CATSPERE: variants seen among roughly 807,000 people sequenced by gnomAD.
CATSPERE encodes catsper channel auxiliary subunit epsilon, also known as cation channel sperm-associated auxiliary subunit epsilon.
In CATSPERE, 93 loss-of-function variants were observed where a neutral mutation model predicts 114.1. The observed-to-expected ratio is 0.81, with a 90% CI of 0.69 to 0.97. CATSPERE has a LOEUF of 0.97. CATSPERE is among the 50% of genes least tolerant of loss of function. CATSPERE has a pLI of 0.00. For synonymous variants in CATSPERE, 341 were observed against 384.1 expected (o/e 0.89, Z 1.31); for missense variants, 1,058 against 1,131.6 (o/e 0.93, Z 0.93).
intron 21 of CATSPERE, among the ~76,000 whole-genome samples, chr1:244,639,461 C>T (rs745314225): frequency 3.3e-5 from 5 of 152,100 alleles, no homozygotes; most frequent in Non-Finnish European, 2.9e-5. Context: ...AGGCCAAGGC[C>T]GGCAAATCAC....
rs1664829201 is a variant in CATSPERE at position 244,573,754 on chromosome 1, C to T, written c.1950+982C>T. On this transcript the variant is annotated intron_variant, in intron 11 of 21. Coordinates refer to ENST00000366534, the MANE Select transcript of CATSPERE (RefSeq NM_001130957.2). This position sits in a 1 kb window ranked among gnomAD's most constrained non-coding sequence, Gnocchi z 4.0. ...CTAACTCATAGGATGGTGACATAAA[C>T]TCTACCTCTTATGGAGAAATAGCAA... Among the ~76,000 whole-genome samples, 1 of 152,210 alleles carries T rather than the reference C, an allele frequency of 6.6e-6. No individual in the cohort carries two copies. Among genetic ancestry groups the T allele is most frequent in the Non-Finnish European group, 1.5e-5 (1 of 68,038 alleles).
intron 8 of CATSPERE, among the ~76,000 whole-genome samples, chr1:244,530,239 T>C (rs57452823): frequency 0.13 from 19,503 of 152,114 alleles, 2,151 homozygotes; most frequent in African/African-American, 0.3. Flanking sequence ...TGTGAACCAC[T>C]GCGCCCAGCC....
intron 1 of CATSPERE, among the ~76,000 whole-genome samples, chr1:244,463,325 C>T (rs535348938): frequency 2.9e-4 from 44 of 151,992 alleles, no homozygotes; most frequent in African/African-American, 1.1e-3. Context: ...ATCAGATAGA[C>T]GGGAATTAAG....
chr1:244,476,509 T>G (rs757697209), intron 2 of CATSPERE, among the ~76,000 whole-genome samples: 13 of 152,322 alleles, frequency 8.5e-5, no homozygotes, highest in Middle Eastern at 6.8e-3. Flanking sequence ...ATGTTGTATC[T>G]TCTCATGAAT....
At chr1:244,474,082 AT>A (rs1668891625) in intron 2 of CATSPERE, among the ~76,000 whole-genome samples, 1 of 151,298 alleles carries the variant, frequency 6.6e-6, no homozygotes, top group Non-Finnish European at 1.5e-5. Context: ...CCCAGACTGG[AT>A]TGCAATGGCG....
intron 1 of CATSPERE, among the ~76,000 whole-genome samples, chr1:244,463,450 G>A (rs749373527): frequency 3.9e-5 from 6 of 151,988 alleles, no homozygotes; most frequent in African/African-American, 1.5e-4. Context: ...TGAGGCGAGA[G>A]GATCACTTGA....
Position 244,640,131 on chromosome 1 carries a change from G to T in CATSPERE, c.*50G>T. ...AGATATATGCATATAGAGAAACAGT[G>T]TATTACATAGTGATATTGAGAGTGT... On this transcript the variant is annotated 3_prime_UTR_variant, in exon 22 of 22. Transcript: ENST00000366534. 7.2e-7 allele frequency: 1 copy of T among 1,379,492 alleles called. No individual in the cohort carries two copies. The highest frequency in any genetic ancestry group is 1.0e-6 in the Non-Finnish European group (1 of 1,002,142). 85.5% of individuals were successfully genotyped at this position (1,379,492 alleles called of 1,614,324 possible). A position where few individuals can be genotyped will look rare whatever the true frequency, so the allele number is the denominator to read the frequency against.
chr1:244,585,266 G>A (rs568774598), intron 13 of CATSPERE, among the ~76,000 whole-genome samples: 1 of 152,134 alleles, frequency 6.6e-6, no homozygotes, highest in Non-Finnish European at 1.5e-5. Flanking sequence ...TATTAAATGA[G>A]ATTATTCATG....
chr1:244,551,309 A>G (rs1351132778), intron 8 of CATSPERE, among the ~76,000 whole-genome samples: 1 of 152,232 alleles, frequency 6.6e-6, no homozygotes, highest in Non-Finnish European at 1.5e-5. Context: ...GGGAAACCCC[A>G]GGAAACAAGT....
chr1:244,516,190 C>CAAATAA (rs1203077585), intron 7 of CATSPERE, among the ~76,000 whole-genome samples: 1 of 139,390 alleles, frequency 7.2e-6, no homozygotes, highest in African/African-American at 3.2e-5. Flanking sequence ...GACCTTGTCT[C>CAAATAA]AAATAATAAT....
At chr1:244,473,316 T>C (rs554570762) in intron 2 of CATSPERE, among the ~76,000 whole-genome samples, 2 of 152,288 alleles carry the variant, frequency 1.3e-5, no homozygotes, top group Non-Finnish European at 2.9e-5. Flanking sequence ...AGGTGTGTTG[T>C]GGTATCTCGT....
chr1:244,490,973 T>C (rs1020822181), intron 6 of CATSPERE, among the ~76,000 whole-genome samples: 4 of 152,144 alleles, frequency 2.6e-5, no homozygotes, highest in African/African-American at 9.7e-5. Flanking sequence ...AAAAGCCTTG[T>C]AGGATTCTTA....
At chr1:244,526,698 G>A (rs1309085887) in intron 8 of CATSPERE, among the ~76,000 whole-genome samples, 1 of 150,294 alleles carries the variant, frequency 6.7e-6, no homozygotes, top group Non-Finnish European at 1.5e-5. Context: ...ACCCAGGCTG[G>A]AGTGCAGTGG....
intron 17 of CATSPERE, among the ~76,000 whole-genome samples, chr1:244,598,154 T>G (rs1302343933): frequency 6.6e-6 from 1 of 152,226 alleles, no homozygotes; most frequent in Non-Finnish European, 1.5e-5. Flanking sequence ...CTCGTCTTTG[T>G]GAAAAGTTGG....
chr1:244,579,058 T>TA (rs201891191), intron 11 of CATSPERE, among the ~76,000 whole-genome samples: 14 of 151,642 alleles, frequency 9.2e-5, no homozygotes, highest in South Asian at 2.1e-4. Flanking sequence ...CTAAACATGA[T>TA]AAAAAAAATA....
rs576560764 is a variant in CATSPERE, at chr1:244,621,181, T to TTATATAAATATATATTA, written c.2648+3501_2648+3502insAATATATATTATATATA. ...ATATATATATTATATATAGATATAT[T>TTATATAAATATATATTA]TATATAGATATATTTATATAGATAT... is the stretch of plus-strand genomic sequence containing the variant. On this transcript the variant is annotated intron_variant, in intron 20 of 21. Coordinates refer to ENST00000366534, the MANE Select transcript of CATSPERE (RefSeq NM_001130957.2). 4.5e-5 allele frequency among the ~76,000 whole-genome samples: 2 copies of TTATATAAATATATATTA among 44,754 alleles called. 1 individual carries two copies. Among genetic ancestry groups the TTATATAAATATATATTA allele is most frequent in the Non-Finnish European group, 7.4e-5 (2 of 27,102 alleles). 29.4% of individuals were successfully genotyped at this position (44,754 alleles called of 152,430 possible).
intron 6 of CATSPERE, among the ~76,000 whole-genome samples, chr1:244,491,700 G>A (rs1226872409): frequency 1.3e-5 from 2 of 151,948 alleles, no homozygotes; most frequent in East Asian, 3.9e-4. Context: ...CCGCTAGCAA[G>A]ACTAATAAAG....
chr1:244,464,082 C>T lies in CATSPERE; in HGVS notation c.114+126C>T, dbSNP rs566731862. On this transcript the variant is annotated intron_variant, in intron 2 of 21. Transcript: ENST00000366534. The stretch of plus-strand genomic sequence containing the variant: ...ACTCTTCTGTTTCGTTTCTTTCATC[C>T]GGTGTATTACCCTAACATAGGTCCC... 9.5e-5 allele frequency: 68 copies of T among 713,046 alleles called. No homozygotes were observed. The East Asian group carries it at 1.5e-3, about 16-fold the overall frequency. The allele number at this position is 713,046 out of a possible 1,614,324, so 44.2% of individuals were successfully genotyped here.
At chr1:244,597,921 A>T (rs1668665437) in intron 17 of CATSPERE, among the ~76,000 whole-genome samples, 3 of 152,236 alleles carry the variant, frequency 2.0e-5, no homozygotes, top group Non-Finnish European at 4.4e-5. Flanking sequence ...GATACAGGGA[A>T]TTCTAATTAG....
Sources: gnomAD v4.1 joint callset for allele counts (sites outside exome capture counted in the v4.1 genomes callset) on GRCh38, gnomAD v4.1.1 for gene constraint, Gnocchi (gnomAD v3.1) non-coding constraint, MANE v1.5 for transcripts, NCBI Gene and HGNC (gene_info 2026-07-23, HGNC 2026-07-21) for gene names.